KDM4A: variants seen among roughly 807,000 people sequenced by gnomAD.
KDM4A encodes lysine-specific demethylase 4A.
A neutral mutation model predicts 127.1 loss-of-function variants in KDM4A; 23 were observed. The observed-to-expected ratio is 0.18, with a 90% CI of 0.13 to 0.26. The LOEUF (loss-of-function observed/expected upper bound fraction) is 0.26, where lower values mean the gene tolerates loss of function less well. KDM4A is among the 10% of genes least tolerant of loss of function. The pLI is 1.00. For synonymous variants in KDM4A, 443 were observed against 466.5 expected, an observed-to-expected ratio of 0.95 and a Z score of 0.65; for missense variants, 890 against 1,329.1, an observed-to-expected ratio of 0.67 and a Z score of 5.14.
Position 43,662,876 on chromosome 1 carries a change from C to T in KDM4A, c.430-18C>T. ...CTATGCAAATGTAACTTGCCCTGGA[C>T]TGTCATTGCCTTTGCAGCATGTTGA... is the stretch of plus-strand genomic sequence containing the variant. On this transcript the variant is annotated intron_variant, in intron 4 of 21. Coordinates refer to ENST00000372396, the MANE Select transcript of KDM4A (RefSeq NM_014663.3). 1.3e-6 allele frequency: 2 copies of T among 1,588,456 alleles called. No homozygotes were observed. The highest frequency in any genetic ancestry group is 1.7e-6 in the Non-Finnish European group (2 of 1,163,608).
At chr1:43,673,089 T>G (rs921220769) in intron 11 of KDM4A, among the ~76,000 whole-genome samples, 11 of 152,156 alleles carry the variant, frequency 7.2e-5, no homozygotes, top group Admixed American at 7.2e-4. Context: ...CAAAAGCTGA[T>G]TCCTGCTTTT....
intron 3 of KDM4A, among the ~76,000 whole-genome samples, chr1:43,657,906 C>G (rs941252533): frequency 6.6e-6 from 1 of 151,214 alleles, no homozygotes; most frequent in Non-Finnish European, 1.5e-5. Flanking sequence ...CCACGCCCGG[C>G]CAATTTTTTT....
chr1:43,675,802 G>A (rs746535240), intron 11 of KDM4A, among the ~76,000 whole-genome samples: 2 of 152,148 alleles, frequency 1.3e-5, no homozygotes, highest in African/African-American at 2.4e-5. Flanking sequence ...GCCGGGTGCC[G>A]TGGTGCATGC....
chr1:43,700,227 A>T (rs1661354045), intron 19 of KDM4A, among the ~76,000 whole-genome samples: 1 of 151,970 alleles, frequency 6.6e-6, no homozygotes. Context: ...TACCAGGCTC[A>T]AGTGATTCTG....
chr1:43,657,557 T>C (rs1336186763), intron 3 of KDM4A, among the ~76,000 whole-genome samples: 1 of 151,978 alleles, frequency 6.6e-6, no homozygotes, highest in Non-Finnish European at 1.5e-5. Flanking sequence ...GATGAGAGAA[T>C]TTACATAAAG....
rs562837370 is a variant in KDM4A at position 43,688,803 on chromosome 1, C to T, written c.1856-111C>T. The T allele has an allele frequency of 2.1e-5, 19 of 925,558 alleles. 1 individual carries two copies. Among genetic ancestry groups the T allele is most frequent in the Admixed American group, 2.0e-4 (8 of 39,102 alleles). The allele number at this position is 925,558 out of a possible 1,614,324, so 57.3% of individuals were successfully genotyped here. On this transcript the variant is annotated intron_variant, in intron 12 of 21. Coordinates refer to ENST00000372396, the MANE Select transcript of KDM4A (RefSeq NM_014663.3). This position sits in a 1 kb window ranked among gnomAD's most constrained non-coding sequence, Gnocchi z 4.4. ...ATCATCCTTAGGAATTCAGGAGTCA[C>T]CCTTGGTCCAAACCTAGGATCAGGA...
intron 19 of KDM4A, 84 bp from the exon 20 acceptor site, chr1:43,703,533 G>T (rs770144349): frequency 8.7e-5 from 134 of 1,542,358 alleles, no homozygotes; most frequent in Non-Finnish European, 1.1e-4. Flanking sequence ...CTTTGTCCTG[G>T]TTCACTCTTC....
chr1:43,656,132 G>A (rs1193236428), intron 3 of KDM4A, among the ~76,000 whole-genome samples: 1 of 152,100 alleles, frequency 6.6e-6, no homozygotes, highest in East Asian at 1.9e-4. Context: ...CTCTCGGGAT[G>A]CTCTGTGTTT....
intron 11 of KDM4A, among the ~76,000 whole-genome samples, chr1:43,679,228 A>G (rs903176478): frequency 1.6e-4 from 25 of 152,276 alleles, no homozygotes; most frequent in African/African-American, 6.0e-4. Context: ...ATAACCTTCT[A>G]GAAGCTGGGC....
chr1:43,696,858 A>T (rs1661252815), intron 18 of KDM4A, among the ~76,000 whole-genome samples: 1 of 152,196 alleles, frequency 6.6e-6, no homozygotes, highest in African/African-American at 2.4e-5. Flanking sequence ...TTTATTGAGC[A>T]TTTACTATAT....
At chr1:43,687,998 T>C (rs957284337) in intron 12 of KDM4A, among the ~76,000 whole-genome samples, 2 of 152,196 alleles carry the variant, frequency 1.3e-5, no homozygotes, top group Middle Eastern at 3.4e-3. Context: ...ACAGTCTTCA[T>C]TGGTCTCTGT....
At chr1:43,679,894 A>G (rs562009211) in intron 11 of KDM4A, among the ~76,000 whole-genome samples, 4 of 152,192 alleles carry the variant, frequency 2.6e-5, no homozygotes, top group Non-Finnish European at 5.9e-5. Flanking sequence ...AGCTTTCTTC[A>G]GGCAGGGCCC....
intron 11 of KDM4A, among the ~76,000 whole-genome samples, chr1:43,677,639 G>A (rs962855654): frequency 6.6e-6 from 1 of 152,152 alleles, no homozygotes; most frequent in Non-Finnish European, 1.5e-5. Flanking sequence ...TGATTGTCCA[G>A]TAAAGGGTTT....
intron 19 of KDM4A, chr1:43,700,110 T>C (rs541869181): frequency 6.6e-6 from 1 of 152,222 alleles, no homozygotes; most frequent in African/African-American, 2.4e-5. Context: ...TGCGTAGATA[T>C]GTAATTGGAA....
At chr1:43,700,257 A>G (rs144761677) in intron 19 of KDM4A, among the ~76,000 whole-genome samples, 9 of 152,166 alleles carry the variant, frequency 5.9e-5, no homozygotes, top group Middle Eastern at 3.4e-3. Context: ...CCTCCCAAGT[A>G]GCTGGGACTA....
chr1:43,694,861 T>C lies in KDM4A; in HGVS notation c.2637T>C (p.Ile879=), dbSNP rs1570872505. Residue 879 remains isoleucine (I), a synonymous_variant, in exon 18 of 22, where the codon ATT becomes ATC. Coordinates refer to ENST00000372396, the MANE Select transcript of KDM4A (RefSeq NM_014663.3). This position sits in a 1 kb window ranked among gnomAD's most constrained non-coding sequence, Gnocchi z 5.2. ...ACGACTGGCCTTTTGTGGTCTTCATTACCTGCTTTCGGCACAAGATTCCTA... is the reference window on the plus strand; with the variant it reads ...ACGACTGGCCTTTTGTGGTCTTCATCACCTGCTTTCGGCACAAGATTCCTA... ...QPDDWPFVVF[I]TCFRHKIPNL... is the part of the protein sequence containing the mutation. The C allele has an allele frequency of 6.2e-7, 1 of 1,605,234 alleles. No individual in the cohort carries two copies. The highest frequency in any genetic ancestry group is 8.5e-7 in the Non-Finnish European group (1 of 1,172,314).
chr1:43,683,633 C>T, intron 11 of KDM4A, 51 bp from the exon 12 acceptor site: 1 of 1,585,200 alleles, frequency 6.3e-7, no homozygotes, highest in Non-Finnish European at 8.6e-7. Context: ...GTGACTTGTG[C>T]TGTGTCTCAA....
chr1:43,662,897 G>A lies in KDM4A; in HGVS notation c.433G>A (p.Val145Ile), dbSNP rs1453551068. Reference protein sequence around the residue: ...DVNGTLYEKHVDEWNIGRLRT... With the variant: ...DVNGTLYEKHIDEWNIGRLRT... ...TGGACTGTCATTGCCTTTGCAGCAT[G>A]TTGATGAGTGGAATATTGGCCGGCT... The change falls in exon 5 of 22, where the codon GTT becomes ATT. Residue 145 changes from valine to isoleucine, a missense_variant. Val to Ile is a conservative substitution (Grantham distance 29). This residue lies in a region of KDM4A where 141 missense variants were observed against 273.5 expected (regional missense o/e 0.52). Coordinates refer to ENST00000372396, the MANE Select transcript of KDM4A (RefSeq NM_014663.3). The A allele has an allele frequency of 1.1e-5, 17 of 1,610,864 alleles. No homozygotes were observed. The highest frequency in any genetic ancestry group is 1.3e-5 in the African/African-American group (1 of 74,896).
At chr1:43,669,037 G>A in intron 9 of KDM4A, 63 bp from the exon 10 acceptor site, 1 of 1,552,096 alleles carries the variant, frequency 6.4e-7, no homozygotes, top group Non-Finnish European at 8.9e-7. Context: ...GGATGTGTAT[G>A]AATGTGTTTG....
Sources: allele counts gnomAD v4.1 joint callset (sites outside exome capture counted in the v4.1 genomes callset), GRCh38; gene constraint gnomAD v4.1.1; regional missense constraint gnomAD v4.1.1; non-coding constraint Gnocchi (gnomAD v3.1); transcripts MANE v1.5; gene names NCBI Gene and HGNC (gene_info 2026-07-23, HGNC 2026-07-21).